INTS7: variants seen among roughly 807,000 people sequenced by gnomAD.
The protein encoded by INTS7 is chromosome 1 open reading frame 73.
In INTS7, 46 loss-of-function variants were observed where a neutral mutation model predicts 109.2. That is an observed-to-expected ratio of 0.42 (90% CI 0.33 to 0.54). INTS7 has a LOEUF of 0.54. Among genes scored for constraint, INTS7 ranks in the 20% least tolerant of loss-of-function variants. The pLI is 0.07. For synonymous variants in INTS7, 412 were observed against 402.9 expected (o/e 1.02, Z -0.27); for missense variants, 929 against 1,132.4 (o/e 0.82, Z 2.58).
intron 7 of INTS7, among the ~76,000 whole-genome samples, chr1:211,990,759 T>C (rs551318929): frequency 1.8e-4 from 28 of 152,152 alleles, no homozygotes; most frequent in African/African-American, 5.5e-4. Context: ...TAAGAGGAGA[T>C]ATGTTCAAAA....
chr1:211,999,421 C>T (rs562082442), intron 7 of INTS7, among the ~76,000 whole-genome samples: 1 of 152,250 alleles, frequency 6.6e-6, no homozygotes, highest in Admixed American at 6.5e-5. Context: ...ATCACAGCAA[C>T]AGAAATCAGA....
chr1:212,002,684 C>T (rs1665724650), intron 7 of INTS7, among the ~76,000 whole-genome samples: 1 of 152,204 alleles, frequency 6.6e-6, no homozygotes, highest in Admixed American at 6.5e-5. Flanking sequence ...GTGAGGGTTT[C>T]CCTAACCAGC....
At chr1:211,951,918 G>C (rs2788135) in intron 17 of INTS7, among the ~76,000 whole-genome samples, 1 of 152,118 alleles carries the variant, frequency 6.6e-6, no homozygotes, top group Admixed American at 6.5e-5. Context: ...GGGAAATCAG[G>C]GGAGAAGATA....
At chr1:211,984,362 A>C (rs563312297) in intron 8 of INTS7, among the ~76,000 whole-genome samples, 1 of 152,206 alleles carries the variant, frequency 6.6e-6, no homozygotes, top group African/African-American at 2.4e-5. Context: ...CAGAAAAAAA[A>C]CCCAGAAAAA....
chr1:211,987,603 C>T (rs1664948394), intron 8 of INTS7, among the ~76,000 whole-genome samples: 1 of 151,926 alleles, frequency 6.6e-6, no homozygotes, highest in Non-Finnish European at 1.5e-5. Flanking sequence ...CAAAAGCAAA[C>T]CAACTATTTT....
At chr1:211,982,875 A>G (rs1261128292) in intron 8 of INTS7, 65 bp from the exon 9 acceptor site, 1 of 1,306,296 alleles carries the variant, frequency 7.7e-7, no homozygotes, top group African/African-American at 1.5e-5. Flanking sequence ...TTCAGCTCAT[A>G]GGTTCAATTT....
intron 1 of INTS7, among the ~76,000 whole-genome samples, chr1:212,023,631 ACT>A (rs745399482): frequency 6.6e-6 from 1 of 151,554 alleles, no homozygotes; most frequent in Non-Finnish European, 1.5e-5. Flanking sequence ...TTCCTTATAG[ACT>A]CTAGATATTA....
At chr1:212,025,716 A>G (rs77106072) in intron 1 of INTS7, 4,290 of 158,324 alleles carry the variant, frequency 0.027, 81 homozygotes, top group Non-Finnish European at 0.04. Context: ...TTCACTAAGA[A>G]TGAATACCTT....
chr1:212,009,324 T>C (rs914794851), intron 5 of INTS7, among the ~76,000 whole-genome samples: 1 of 152,208 alleles, frequency 6.6e-6, no homozygotes, highest in African/African-American at 2.4e-5. Context: ...TACATATGTA[T>C]ATTCTCATAT....
chr1:212,031,496 T>C (rs1667161219), intron 1 of INTS7, among the ~76,000 whole-genome samples: 1 of 152,182 alleles, frequency 6.6e-6, no homozygotes, highest in Non-Finnish European at 1.5e-5. Flanking sequence ...TCAAGCAGCA[T>C]GGCCATCAGC....
chr1:212,010,221 A>G (rs905760566), intron 5 of INTS7, among the ~76,000 whole-genome samples: 1 of 152,186 alleles, frequency 6.6e-6, no homozygotes, highest in Admixed American at 6.5e-5. Flanking sequence ...GAATATAAAC[A>G]AAGTGGTGTT....
intron 16 of INTS7, among the ~76,000 whole-genome samples, chr1:211,964,118 A>G (rs1477019998): frequency 6.6e-6 from 1 of 152,192 alleles, no homozygotes; most frequent in Non-Finnish European, 1.5e-5. Context: ...AAGCTCCTTA[A>G]GCTGATAAAC....
chr1:211,944,647 T>C lies in INTS7; in HGVS notation c.2601+137A>G, dbSNP rs907660219. On this transcript the variant is annotated intron_variant, in intron 19 of 19. Coordinates refer to ENST00000366994, the MANE Select transcript of INTS7 (RefSeq NM_015434.4). ...TTATCAACCCCTTACAGCCCCAATG[T>C]GGGCTTTTAATTTATGTCCATCTGA... 9 of 685,226 alleles carry C rather than the reference T, an allele frequency of 1.3e-5. No homozygotes were observed. In the African/African-American group the frequency reaches 1.4e-4, roughly 11 times the overall value. 42.4% of individuals were successfully genotyped at this position (685,226 alleles called of 1,614,324 possible).
At chr1:212,020,517 C>T (rs994179471) in intron 2 of INTS7, among the ~76,000 whole-genome samples, 1 of 152,114 alleles carries the variant, frequency 6.6e-6, no homozygotes, top group Admixed American at 6.5e-5. Flanking sequence ...TAGAGCAGAA[C>T]TAAATCTCCT....
intron 7 of INTS7, among the ~76,000 whole-genome samples, chr1:212,005,936 G>A (rs932842345): frequency 2.0e-5 from 3 of 152,052 alleles, no homozygotes; most frequent in Non-Finnish European, 4.4e-5. Context: ...AACAAACACA[G>A]CAGTTTAGTT....
chr1:211,961,856 A>C (rs1571852832), intron 16 of INTS7, among the ~76,000 whole-genome samples: 1 of 152,184 alleles, frequency 6.6e-6, no homozygotes, highest in Admixed American at 6.5e-5. Context: ...TTATCACCAG[A>C]CCTGCCTTAT....
At chr1:211,963,850 A>G (rs879636706) in intron 16 of INTS7, among the ~76,000 whole-genome samples, 2 of 152,206 alleles carry the variant, frequency 1.3e-5, no homozygotes, top group Non-Finnish European at 2.9e-5. Context: ...CCTCAAAATA[A>G]TAAGAGTCAC....
At chr1:211,955,815 G>A (rs1255941281) in intron 16 of INTS7, among the ~76,000 whole-genome samples, 2 of 152,184 alleles carry the variant, frequency 1.3e-5, no homozygotes, top group Non-Finnish European at 2.9e-5. Flanking sequence ...CACAGAGCTA[G>A]GAGTGACTGG....
intron 10 of INTS7, among the ~76,000 whole-genome samples, chr1:211,979,604 T>C (rs1664565193): frequency 6.6e-6 from 1 of 152,226 alleles, no homozygotes; most frequent in Non-Finnish European, 1.5e-5. Flanking sequence ...ACCTATAGAA[T>C]CAAAGCCATA....
Sources: allele counts gnomAD v4.1 joint callset (sites outside exome capture counted in the v4.1 genomes callset), GRCh38; gene constraint gnomAD v4.1.1; transcripts MANE v1.5; gene names NCBI Gene and HGNC (gene_info 2026-07-23, HGNC 2026-07-21).